The following BICC1 variants were observed in gnomAD, a reference collection of about 807,000 sequenced individuals.
BICC1 encodes BicC family RNA binding protein 1, also known as protein bicaudal C homolog 1.
In BICC1, 43 loss-of-function variants were observed where a neutral mutation model predicts 111.0. The observed-to-expected ratio is 0.39, with a 90% CI of 0.30 to 0.50. The LOEUF is 0.50. Ranked by LOEUF, BICC1 falls within the 20% of genes least tolerant of loss-of-function variation. BICC1 has a pLI of 0.88. For synonymous variants in BICC1, 467 were observed against 434.4 expected, an observed-to-expected ratio of 1.07 and a Z score of -0.93; for missense variants, 1,091 against 1,203.2, an observed-to-expected ratio of 0.91 and a Z score of 1.38.
intron 2 of BICC1, among the ~76,000 whole-genome samples, chr10:58,691,550 T>C (rs1044556039): frequency 6.6e-6 from 1 of 152,320 alleles, no homozygotes; most frequent in East Asian, 1.9e-4. Flanking sequence ...CATGCTTGCT[T>C]TGGCCCACAA....
At chr10:58,716,007 A>T in intron 3 of BICC1, 1 of 1,405,072 alleles carries the variant, frequency 7.1e-7, no homozygotes, top group Non-Finnish European at 9.8e-7. Context: ...AAACTGAATC[A>T]GACAGTAAGG....
intron 3 of BICC1, 37 bp from the exon 4 acceptor site, chr10:58,784,964 G>T: frequency 8.7e-7 from 1 of 1,154,470 alleles, no homozygotes; most frequent in Non-Finnish European, 1.3e-6. Context: ...AACAGAGTTT[G>T]GGAGTTTCAC....
intron 1 of BICC1, among the ~76,000 whole-genome samples, chr10:58,601,168 A>ATATATC (rs1182289120): frequency 1.4e-5 from 2 of 139,352 alleles, no homozygotes; most frequent in African/African-American, 5.3e-5. Context: ...ATATATATAT[A>ATATATC]TATCTCCCAA....
intron 1 of BICC1, among the ~76,000 whole-genome samples, chr10:58,546,534 A>C (rs1843141528): frequency 6.6e-6 from 1 of 152,118 alleles, no homozygotes; most frequent in Non-Finnish European, 1.5e-5. Context: ...AGGATATATG[A>C]AGCCAGCTTG....
chr10:58,728,501 G>A (rs1841183377), intron 3 of BICC1, among the ~76,000 whole-genome samples: 1 of 152,028 alleles, frequency 6.6e-6, no homozygotes, highest in Admixed American at 6.6e-5. Flanking sequence ...CTTTACTGAA[G>A]TCTTGAACCC....
chr10:58,580,206 T>C (rs1844241610), intron 1 of BICC1, among the ~76,000 whole-genome samples: 1 of 152,214 alleles, frequency 6.6e-6, no homozygotes, highest in South Asian at 2.1e-4. Flanking sequence ...GTATTTTTAG[T>C]AGAGACAGGG....
In BICC1 at chr10:58,788,380, C is replaced by T. The variant is rs1332827341; in HGVS notation, c.557C>T (p.Ala186Val). The T allele has an allele frequency of 4.4e-6, 7 of 1,608,556 alleles. No individual in the cohort carries two copies. Among genetic ancestry groups the T allele is most frequent in the East Asian group, 2.2e-5 (1 of 44,804 alleles). The change falls in exon 6 of 21, where the codon GCG becomes GTG. Residue 186 changes from alanine (A) to valine (V), a missense_variant. Ala to Val is a moderately conservative substitution (Grantham distance 64). Coordinates refer to ENST00000373886, the MANE Select transcript of BICC1 (RefSeq NM_001080512.3). Reference sequence around the variant, plus strand: ...TTCCTCCTCTTATAGGTATCTATAGCGGGACAACCAGCAGGAGTAGAATCT... The same window carrying T: ...TTCCTCCTCTTATAGGTATCTATAGTGGGACAACCAGCAGGAGTAGAATCT... ...QAEKSNQVSI[A>V]GQPAGVESAR...
At chr10:58,711,796 G>GT (rs371286787) in intron 3 of BICC1, among the ~76,000 whole-genome samples, 1,428 of 88,952 alleles carry the variant, frequency 0.016, 17 homozygotes, top group Admixed American at 0.041. Flanking sequence ...ATATCTGGTA[G>GT]TTTTTTTTTT....
intron 1 of BICC1, among the ~76,000 whole-genome samples, chr10:58,566,298 A>T (rs1277087930): frequency 6.6e-6 from 1 of 152,040 alleles, no homozygotes; most frequent in Non-Finnish European, 1.5e-5. Flanking sequence ...ACATGTACAC[A>T]CACACCACAT....
intron 1 of BICC1, among the ~76,000 whole-genome samples, chr10:58,577,376 A>C (rs1398367699): frequency 6.6e-6 from 1 of 152,210 alleles, no homozygotes; most frequent in South Asian, 2.1e-4. Flanking sequence ...GATTTGCTAC[A>C]AATTTAAAAG....
chr10:58,724,425 G>A (rs186492229), intron 3 of BICC1, among the ~76,000 whole-genome samples: 14 of 152,072 alleles, frequency 9.2e-5, no homozygotes, highest in South Asian at 4.2e-4. Flanking sequence ...GTGTAATTTT[G>A]CACATATACA....
intron 1 of BICC1, among the ~76,000 whole-genome samples, chr10:58,601,135 A>C (rs1254616736): frequency 2.4e-5 from 1 of 40,876 alleles, no homozygotes; most frequent in Non-Finnish European, 5.1e-5. Flanking sequence ...CAGTCATTTT[A>C]AAACTTATAT....
intron 15 of BICC1, among the ~76,000 whole-genome samples, chr10:58,806,103 A>G (rs554716660): frequency 1.3e-5 from 2 of 152,346 alleles, no homozygotes; most frequent in South Asian, 4.1e-4. Flanking sequence ...GTTAGGTTAA[A>G]TAATTTCTTA....
chr10:58,719,015 G>A (rs1010557417), intron 3 of BICC1, among the ~76,000 whole-genome samples: 1 of 152,030 alleles, frequency 6.6e-6, no homozygotes, highest in African/African-American at 2.4e-5. Context: ...AGGGAAGGAG[G>A]ACATATAAAC....
rs34066134 is a variant in BICC1 at position 58,612,599 on chromosome 10, T to TAA, written c.191-8241_191-8240dup. ...TAGTTGCAAATGTGTTGAGTTGTGT[T>TAA]AAAAAAAAAAAAAAAAGATGGAGAG... On this transcript the variant is annotated intron_variant, in intron 1 of 20. Transcript: ENST00000373886. Among the ~76,000 whole-genome samples the TAA allele has an allele frequency of 4.8e-5, 7 of 145,336 alleles. No individual in the cohort carries two copies. The East Asian group carries it at 6.0e-4, about 12-fold the overall frequency.
intron 3 of BICC1, chr10:58,716,296 A>G (rs931997943): frequency 4.1e-6 from 6 of 1,478,092 alleles, no homozygotes; most frequent in African/African-American, 1.4e-5. Context: ...TAACATTAAG[A>G]AAAATCAGGA....
intron 2 of BICC1, among the ~76,000 whole-genome samples, chr10:58,682,445 T>C (rs1007356058): frequency 2.0e-5 from 3 of 152,216 alleles, no homozygotes; most frequent in African/African-American, 7.2e-5. Context: ...ATTGCCACAC[T>C]GTCTTCCACA....
intron 1 of BICC1, among the ~76,000 whole-genome samples, chr10:58,536,197 G>C (rs1842821898): frequency 6.6e-6 from 1 of 151,406 alleles, no homozygotes; most frequent in African/African-American, 2.4e-5. Flanking sequence ...AAGAAATACT[G>C]GACTCTAGAA....
intron 1 of BICC1, among the ~76,000 whole-genome samples, chr10:58,533,928 T>G (rs1341215795): frequency 6.6e-6 from 1 of 151,862 alleles, no homozygotes; most frequent in East Asian, 1.9e-4. Context: ...TACCTATCAG[T>G]AATTACTTTA....
Sources: gnomAD v4.1 joint callset for allele counts (sites outside exome capture counted in the v4.1 genomes callset) on GRCh38, gnomAD v4.1.1 for gene constraint, MANE v1.5 for transcripts, NCBI Gene and HGNC (gene_info 2026-07-23, HGNC 2026-07-21) for gene names.